The following PKHD1 variants were observed in gnomAD, a reference collection of about 807,000 sequenced individuals.
The protein encoded by PKHD1 is fibrocystin.
In PKHD1, 291 loss-of-function variants were observed where a neutral mutation model predicts 412.0. The ratio of observed to expected loss-of-function variants is 0.71; its 90% CI spans 0.64 to 0.78. The LOEUF is 0.78. PKHD1 is among the 30% of genes least tolerant of loss of function. The pLI, the probability that PKHD1 is intolerant of heterozygous loss-of-function variation, is 0.00. For synonymous variants in PKHD1, 1,777 were observed against 1,821.5 expected (o/e 0.98, Z 0.62); for missense variants, 4,825 against 4,950.7 (o/e 0.97, Z 0.76).
chr6:51,628,803 G>C (rs1450569268), intron 65 of PKHD1, among the ~76,000 whole-genome samples: 1 of 151,996 alleles, frequency 6.6e-6, no homozygotes, highest in Non-Finnish European at 1.5e-5. Flanking sequence ...TTGTATACTA[G>C]ACTTCAAACT....
chr6:51,970,224 A>G (rs532122739), intron 35 of PKHD1, among the ~76,000 whole-genome samples: 6 of 152,172 alleles, frequency 3.9e-5, no homozygotes, highest in African/African-American at 1.4e-4. Flanking sequence ...CTTATCTGCC[A>G]TTTCTGTGTC....
intron 60 of PKHD1, among the ~76,000 whole-genome samples, chr6:51,700,078 T>G (rs1164556079): frequency 6.6e-6 from 1 of 151,994 alleles, no homozygotes; most frequent in Non-Finnish European, 1.5e-5. Flanking sequence ...GTACATCTCA[T>G]AGGAAGCATA....
intron 50 of PKHD1, among the ~76,000 whole-genome samples, chr6:51,844,926 T>A (rs1329377893): frequency 6.6e-6 from 1 of 152,210 alleles, no homozygotes; most frequent in Non-Finnish European, 1.5e-5. Context: ...ATGTTTTTCA[T>A]CCCAGGAATA....
At chr6:51,856,958 T>C (rs1258326708) in intron 48 of PKHD1, among the ~76,000 whole-genome samples, 1 of 152,176 alleles carries the variant, frequency 6.6e-6, no homozygotes, top group Non-Finnish European at 1.5e-5. Flanking sequence ...TAAAGTTCTA[T>C]ATATAGAACG....
chr6:51,971,632 C>G (rs1442056092), intron 35 of PKHD1, among the ~76,000 whole-genome samples: 1 of 152,124 alleles, frequency 6.6e-6, no homozygotes, highest in East Asian at 1.9e-4. Flanking sequence ...CTTTCTGATC[C>G]TGAACATGGC....
At chr6:51,846,413 C>G (rs114895476) in intron 50 of PKHD1, among the ~76,000 whole-genome samples, 1,605 of 152,172 alleles carry the variant, frequency 0.011, 34 homozygotes, top group African/African-American at 0.036. Flanking sequence ...AATAAGATCC[C>G]CTGGATTTGA....
intron 66 of PKHD1, among the ~76,000 whole-genome samples, chr6:51,620,121 G>T (rs527871077): frequency 1.3e-5 from 2 of 152,236 alleles, no homozygotes; most frequent in South Asian, 2.1e-4. Context: ...CTGCTATCTG[G>T]CTTCATGACT....
chr6:52,056,737 G>T lies in PKHD1; in HGVS notation c.1654C>A (p.Leu552Ile). Residue 552 changes from leucine to isoleucine, a missense_variant, in exon 18 of 67, where the codon CTT becomes ATT. By Grantham distance (5) the Leu-to-Ile change is conservative (BLOSUM62 2). Coordinates refer to ENST00000371117, the MANE Select transcript of PKHD1 (RefSeq NM_138694.4). Reference sequence around the variant, plus strand: ...AGCCGGAGAAGGATGTTAGACCAAAGGGGTTCCAGTTTGCATTTTACTGCA... The same window carrying T: ...AGCCGGAGAAGGATGTTAGACCAAATGGGTTCCAGTTTGCATTTTACTGCA... ...LLAVKCKLEP[L>I]WSNILLRLGF... is the part of the protein sequence containing the mutation. The T allele has an allele frequency of 6.2e-7, 1 of 1,613,944 alleles. No individual in the cohort carries two copies. The highest frequency in any genetic ancestry group is 8.5e-7 in the Non-Finnish European group (1 of 1,179,854).
At position 51,982,410 on chromosome 6, in the gene PKHD1, C is replaced by T. The variant is rs1269565549; in HGVS notation, c.5752-22384G>A. On this transcript the variant is annotated intron_variant, in intron 35 of 66. Coordinates refer to ENST00000371117, the MANE Select transcript of PKHD1 (RefSeq NM_138694.4). ...AAAAATTGAGAAATCAGATGGTTGC[C>T]GGGTTTGTGTGGATAGAAGTAGACA... Among the ~76,000 whole-genome samples, 296 of 134,868 alleles carry T rather than the reference C, an allele frequency of 2.2e-3. 2 individuals carry two copies. The highest frequency in any genetic ancestry group is 7.0e-3 in the African/African-American group (267 of 38,092). 88.5% of individuals were successfully genotyped at this position (134,868 alleles called of 152,430 possible).
intron 55 of PKHD1, among the ~76,000 whole-genome samples, chr6:51,761,918 C>CCTT (rs1788082503): frequency 6.6e-6 from 1 of 151,974 alleles, no homozygotes; most frequent in African/African-American, 2.4e-5. Context: ...TGGCAGCGCT[C>CCTT]CTTACCTAGT....
At position 51,943,953 on chromosome 6, in the gene PKHD1, A is replaced by C. The variant is rs541206944; in HGVS notation, c.5909-9631T>G. ...CAACACTTCAATACTGTTATGTTTT[A>C]TTTTTCTTATTAATATAAGAAGACA... On this transcript the variant is annotated intron_variant, in intron 36 of 66. Transcript: ENST00000371117. Among the ~76,000 whole-genome samples the C allele has an allele frequency of 2.6e-5, 4 of 151,610 alleles. No homozygotes were observed. In the East Asian group the frequency reaches 7.7e-4, roughly 29 times the overall value.
Position 51,912,388 on chromosome 6 carries a change from G to C in PKHD1, c.6310C>G (p.Leu2104Val). The C allele has an allele frequency of 6.2e-7, 1 of 1,611,702 alleles. No individual in the cohort carries two copies. Among genetic ancestry groups the C allele is most frequent in the South Asian group, 1.1e-5 (1 of 91,042 alleles). The part of the protein sequence containing the change: ...VTVETVQDTD[L>V]YLKSPLRYSH... ...TACCTCAAAGGTGACTTAAGATAGA[G>C]GTCTGTATCCTGCACAGTTTCCACA... The change falls in exon 38 of 67, where the codon CTC (leucine) becomes GTC (valine). Residue 2104 changes from leucine (L) to valine (V), a missense_variant. By Grantham distance (32) the Leu-to-Val change is conservative. Transcript: ENST00000371117.
intron 60 of PKHD1, among the ~76,000 whole-genome samples, chr6:51,700,112 T>C (rs1048187149): frequency 1.3e-5 from 2 of 152,124 alleles, no homozygotes; most frequent in African/African-American, 4.8e-5. Flanking sequence ...AACTATGCTA[T>C]AATTCTGATT....
intron 60 of PKHD1, among the ~76,000 whole-genome samples, chr6:51,665,088 C>T (rs1477994791): frequency 6.6e-6 from 1 of 151,998 alleles, no homozygotes; most frequent in Non-Finnish European, 1.5e-5. Context: ...CTTGACAAAA[C>T]ATACAACGAA....
chr6:51,746,094 A>G (rs1268146030), intron 59 of PKHD1, among the ~76,000 whole-genome samples: 1 of 152,074 alleles, frequency 6.6e-6, no homozygotes, highest in Admixed American at 6.6e-5. Context: ...ACTCTCTTTC[A>G]TGGCATAAAA....
Position 52,056,970 on chromosome 6 carries a change from C to T in PKHD1, c.1522G>A (p.Val508Ile). 6.2e-7 allele frequency: 1 copy of T among 1,611,776 alleles called. No homozygotes were observed. Among genetic ancestry groups the T allele is most frequent in the South Asian group, 1.1e-5 (1 of 91,020 alleles). The change falls in exon 17 of 67, where the codon GTA (valine) becomes ATA (isoleucine). Residue 508 changes from valine to isoleucine, a missense_variant. Val to Ile is a conservative substitution (Grantham distance 29). Coordinates refer to ENST00000371117, the MANE Select transcript of PKHD1 (RefSeq NM_138694.4). ...QRLPEVQVLNVSGRGNFFLTW... is the reference protein window; with the variant it reads ...QRLPEVQVLNISGRGNFFLTW... ...AGGAAGAAGTTTCCTCTGCCTGATA[C>T]ATTCAGCACCTAAAAAAGTCAAGAC...
At chr6:52,078,258 C>A (rs532292159) in intron 5 of PKHD1, among the ~76,000 whole-genome samples, 2 of 152,166 alleles carry the variant, frequency 1.3e-5, no homozygotes, top group Non-Finnish European at 2.9e-5. Context: ...AAACAGGCCC[C>A]TGGTCACCCA....
intron 37 of PKHD1, among the ~76,000 whole-genome samples, chr6:51,922,844 G>C (rs1322549226): frequency 1.3e-5 from 2 of 152,186 alleles, no homozygotes; most frequent in African/African-American, 4.8e-5. Flanking sequence ...GGTACCATCT[G>C]TCATGGCTTC....
chr6:52,033,595 T>C (rs900597141), intron 28 of PKHD1, among the ~76,000 whole-genome samples: 1 of 151,888 alleles, frequency 6.6e-6, no homozygotes, highest in Non-Finnish European at 1.5e-5. Flanking sequence ...TTTCATAGGA[T>C]GTACTTATGG....
Sources: allele counts gnomAD v4.1 joint callset (sites outside exome capture counted in the v4.1 genomes callset), GRCh38; gene constraint gnomAD v4.1.1; transcripts MANE v1.5; gene names NCBI Gene and HGNC (gene_info 2026-07-23, HGNC 2026-07-21).